The following NBEA variants were observed in gnomAD, a reference collection of about 807,000 sequenced individuals.
NBEA encodes the protein neurobeachin, also known as lysosomal-trafficking regulator 2.
NBEA carries 44 observed loss-of-function variants against 343.4 expected under a neutral mutation model. The ratio of observed to expected loss-of-function variants is 0.13; its 90% CI spans 0.10 to 0.16. NBEA has a LOEUF of 0.16. Ranked by LOEUF, NBEA falls within the 10% of genes least tolerant of loss-of-function variation. The pLI is 1.00. For missense variants in NBEA, 2,555 were observed against 3,631.3 expected, an observed-to-expected ratio of 0.70 and a Z score of 7.62; for synonymous variants, 1,175 against 1,238.7, an observed-to-expected ratio of 0.95 and a Z score of 1.08.
At chr13:34,995,859 G>A (rs985963410) in intron 1 of NBEA, among the ~76,000 whole-genome samples, 4 of 152,198 alleles carry the variant, frequency 2.6e-5, no homozygotes, top group Non-Finnish European at 5.9e-5. Context: ...TAAAAGTTTA[G>A]TCCCAGAATA....
At chr13:35,280,247 A>G (rs2034960370) in intron 34 of NBEA, among the ~76,000 whole-genome samples, 1 of 152,140 alleles carries the variant, frequency 6.6e-6, no homozygotes, top group Non-Finnish European at 1.5e-5. Context: ...CAACTGAAAA[A>G]TATTCTCACA....
chr13:35,177,620 G>A (rs1404180925), intron 28 of NBEA, among the ~76,000 whole-genome samples: 1 of 151,760 alleles, frequency 6.6e-6, no homozygotes, highest in Non-Finnish European at 1.5e-5. Context: ...GAGGTTTCAT[G>A]GAACCCTCCA....
chr13:35,549,808 A>T (rs1418656893), intron 41 of NBEA, among the ~76,000 whole-genome samples: 1 of 152,222 alleles, frequency 6.6e-6, no homozygotes, highest in South Asian at 2.1e-4. Context: ...GGAAGCAGGG[A>T]ATAACATTGT....
intron 13 of NBEA, among the ~76,000 whole-genome samples, chr13:35,114,653 C>A (rs546004883): frequency 6.6e-6 from 1 of 152,078 alleles, no homozygotes; most frequent in Non-Finnish European, 1.5e-5. Context: ...AGAACCCTTG[C>A]CCCTGAGGCC....
intron 38 of NBEA, among the ~76,000 whole-genome samples, chr13:35,419,209 A>G (rs1394571031): frequency 1.3e-5 from 2 of 152,076 alleles, no homozygotes; most frequent in African/African-American, 4.8e-5. Context: ...CTTATGAACA[A>G]CAGAAATTTA....
intron 49 of NBEA, among the ~76,000 whole-genome samples, chr13:35,642,367 A>T (rs1168903631): frequency 6.6e-6 from 1 of 152,190 alleles, no homozygotes; most frequent in African/African-American, 2.4e-5. Context: ...TGGAGCTTCT[A>T]ATAATGGATA....
At chr13:35,081,129 G>A (rs1396580831) in intron 10 of NBEA, among the ~76,000 whole-genome samples, 1 of 152,046 alleles carries the variant, frequency 6.6e-6, no homozygotes, top group Admixed American at 6.6e-5. Flanking sequence ...CTAGAGGGAA[G>A]TTTCATGTGC....
At chr13:35,321,876 C>T (rs747283174) in intron 36 of NBEA, among the ~76,000 whole-genome samples, 4 of 152,314 alleles carry the variant, frequency 2.6e-5, no homozygotes, top group South Asian at 2.1e-4. Context: ...TGAAACTTCC[C>T]GGTGGCTTTG....
chr13:35,431,131 T>C (rs749569450), intron 38 of NBEA, among the ~76,000 whole-genome samples: 8 of 152,100 alleles, frequency 5.3e-5, no homozygotes, highest in Non-Finnish European at 1.0e-4. Flanking sequence ...AAAAACGTTT[T>C]CATTAATACA....
At chr13:34,996,580 T>G (rs976718647) in intron 1 of NBEA, among the ~76,000 whole-genome samples, 7 of 152,150 alleles carry the variant, frequency 4.6e-5, no homozygotes, top group Non-Finnish European at 7.4e-5. Flanking sequence ...CATCTATCTA[T>G]TGAGTGGTCC....
intron 10 of NBEA, among the ~76,000 whole-genome samples, chr13:35,096,910 G>A (rs1355430826): frequency 6.6e-6 from 1 of 151,792 alleles, no homozygotes; most frequent in Non-Finnish European, 1.5e-5. Flanking sequence ...GTAAGTGTCT[G>A]TCTTTGGCTT....
At position 35,432,328 on chromosome 13, in the gene NBEA, G is replaced by A. The variant is rs371492100; in HGVS notation, c.6239G>A (p.Arg2080Gln). 1 of 1,608,590 alleles carries A rather than the reference G, an allele frequency of 6.2e-7. No homozygotes were observed. The highest frequency in any genetic ancestry group is 1.3e-5 in the African/African-American group (1 of 74,768). ...GAAGATGATCTTCGTCGAAGGAGAC[G>A]ATTTGTTCGCAATGCATTTGGCTCC... Reference protein sequence around the residue: ...YWEDDLRRRRRFVRNAFGSTH... With the variant: ...YWEDDLRRRRQFVRNAFGSTH... Residue 2080 changes from arginine (R) to glutamine (Q), a missense_variant, in exon 39 of 59, where the codon CGA becomes CAA. Coordinates refer to ENST00000379939, the MANE Select transcript of NBEA (RefSeq NM_001385012.1).
At chr13:35,008,384 A>G (rs2061380959) in intron 1 of NBEA, among the ~76,000 whole-genome samples, 2 of 152,148 alleles carry the variant, frequency 1.3e-5, no homozygotes, top group South Asian at 4.1e-4. Flanking sequence ...ATCCTCCCAT[A>G]TCCTTTAAAT....
chr13:35,307,178 C>G (rs2036947255), intron 35 of NBEA, among the ~76,000 whole-genome samples: 1 of 151,988 alleles, frequency 6.6e-6, no homozygotes, highest in Admixed American at 6.6e-5. Context: ...CTCGGCATCT[C>G]TTCTTTGTAA....
chr13:35,474,871 C>T, intron 41 of NBEA: 1 of 692,004 alleles, frequency 1.4e-6, no homozygotes, highest in Non-Finnish European at 2.3e-6. Flanking sequence ...TTTTCTCCAT[C>T]CGCTTCCCCT....
chr13:35,610,424 AAT>A (rs781102855), intron 48 of NBEA, among the ~76,000 whole-genome samples: 1 of 152,188 alleles, frequency 6.6e-6, no homozygotes, highest in Non-Finnish European at 1.5e-5. Flanking sequence ...AATAAAATAA[AAT>A]AAAGATAAAT....
chr13:35,494,139 A>G (rs918674865), intron 41 of NBEA, among the ~76,000 whole-genome samples: 1 of 152,026 alleles, frequency 6.6e-6, no homozygotes, highest in Non-Finnish European at 1.5e-5. Context: ...GAAAATAGTA[A>G]GAAAGTAATT....
chr13:35,052,993 C>A (rs1482401137), intron 6 of NBEA, among the ~76,000 whole-genome samples: 1 of 152,022 alleles, frequency 6.6e-6, no homozygotes, highest in Non-Finnish European at 1.5e-5. Flanking sequence ...GTTAACACTT[C>A]CTATCAGTTC....
chr13:35,491,713 T>C (rs138322797), intron 41 of NBEA, among the ~76,000 whole-genome samples: 3 of 151,976 alleles, frequency 2.0e-5, no homozygotes, highest in Admixed American at 6.6e-5. Flanking sequence ...TGAGGCAATA[T>C]AGAATGAGAA....
Sources: gnomAD v4.1 joint callset for allele counts (sites outside exome capture counted in the v4.1 genomes callset) on GRCh38, gnomAD v4.1.1 for gene constraint, MANE v1.5 for transcripts, NCBI Gene and HGNC (gene_info 2026-07-23, HGNC 2026-07-21) for gene names.